Variants in AFF3 observed in about 807,000 individuals in gnomAD.
AFF3 encodes ALF transcription elongation factor 3.
Under a neutral mutation model 129.7 loss-of-function variants are expected in AFF3, and 32 were observed. That is an observed-to-expected ratio of 0.25 (90% CI 0.19 to 0.33). AFF3 has a LOEUF of 0.33. Ranked by LOEUF, AFF3 falls within the 10% of genes least tolerant of loss-of-function variation. The pLI, the probability that AFF3 is intolerant of heterozygous loss-of-function variation, is 1.00. For missense variants in AFF3, 1,373 were observed against 1,592.0 expected, an observed-to-expected ratio of 0.86 and a Z score of 2.34; for synonymous variants, 644 against 635.4, an observed-to-expected ratio of 1.01 and a Z score of -0.20.
chr2:99,776,318 CACAG>C (rs1423879300), intron 8 of AFF3, among the ~76,000 whole-genome samples: 15 of 152,172 alleles, frequency 9.9e-5, no homozygotes, highest in Non-Finnish European at 2.9e-5. Context: ...GTTTACCTAG[CACAG>C]ACAGATGGTT....
intron 8 of AFF3, among the ~76,000 whole-genome samples, chr2:99,818,226 T>C (rs1005259028): frequency 3.9e-5 from 6 of 152,178 alleles, no homozygotes; most frequent in South Asian, 2.1e-4. Flanking sequence ...ACTGGTATAA[T>C]GCAAATATTC....
At chr2:100,137,665 G>A (rs191085280) in intron 1 of AFF3, among the ~76,000 whole-genome samples, 2 of 152,328 alleles carry the variant, frequency 1.3e-5, no homozygotes, top group East Asian at 1.9e-4. Flanking sequence ...TGGCATGGAA[G>A]ATTTCAGAGC....
At chr2:100,004,041 A>G (rs1020904972) in intron 7 of AFF3, among the ~76,000 whole-genome samples, 1 of 151,492 alleles carries the variant, frequency 6.6e-6, no homozygotes, top group African/African-American at 2.4e-5. Flanking sequence ...TTTTCTTATG[A>G]GGAATGTACC....
chr2:99,830,622 G>C (rs1450148056), intron 8 of AFF3, among the ~76,000 whole-genome samples: 1 of 152,072 alleles, frequency 6.6e-6, no homozygotes, highest in Admixed American at 6.6e-5. Flanking sequence ...TGTGGTGGCG[G>C]GTGACTGTAA....
chr2:100,139,383 G>A (rs972206931), intron 1 of AFF3, among the ~76,000 whole-genome samples: 4 of 152,142 alleles, frequency 2.6e-5, no homozygotes, highest in African/African-American at 9.7e-5. Flanking sequence ...ATTGAATTAA[G>A]TGCCATATGA....
intron 8 of AFF3, among the ~76,000 whole-genome samples, chr2:99,787,407 C>T (rs1395931947): frequency 1.3e-5 from 2 of 152,142 alleles, no homozygotes; most frequent in South Asian, 2.1e-4. Context: ...ACACCTGCGC[C>T]GCCACCCCTG....
At chr2:99,986,310 C>A (rs1160751423) in intron 7 of AFF3, among the ~76,000 whole-genome samples, 2 of 151,508 alleles carry the variant, frequency 1.3e-5, no homozygotes, top group African/African-American at 4.8e-5. Flanking sequence ...TTACTCACCA[C>A]TTTTAGCCAC....
At chr2:99,836,225 T>C (rs912637460) in intron 8 of AFF3, among the ~76,000 whole-genome samples, 1 of 152,158 alleles carries the variant, frequency 6.6e-6, no homozygotes, top group Non-Finnish European at 1.5e-5. Context: ...ACATAAACAC[T>C]ATAACCAGTT....
At chr2:99,736,351 T>G (rs1288519790) in intron 10 of AFF3, among the ~76,000 whole-genome samples, 1 of 152,224 alleles carries the variant, frequency 6.6e-6, no homozygotes, top group African/African-American at 2.4e-5. Flanking sequence ...CCTTGGGTAG[T>G]GACCCTTTTT....
chr2:99,665,479 C>T (rs184459918), intron 12 of AFF3, among the ~76,000 whole-genome samples: 1 of 152,246 alleles, frequency 6.6e-6, no homozygotes, highest in African/African-American at 2.4e-5. Context: ...TCTGGCAGTG[C>T]TAGTTTTGGA....
At chr2:99,636,765 C>T (rs368143241) in intron 13 of AFF3, among the ~76,000 whole-genome samples, 1 of 152,242 alleles carries the variant, frequency 6.6e-6, no homozygotes, top group African/African-American at 2.4e-5. Context: ...GGGAGTTGGA[C>T]GGAGTCAGAA....
At chr2:99,617,035 C>A (rs1255128173) in intron 13 of AFF3, among the ~76,000 whole-genome samples, 1 of 152,084 alleles carries the variant, frequency 6.6e-6, no homozygotes, top group Non-Finnish European at 1.5e-5. Flanking sequence ...ATGAATATAC[C>A]ACATTTTGCT....
At chr2:99,882,964 A>G (rs956864930) in intron 7 of AFF3, among the ~76,000 whole-genome samples, 1 of 152,232 alleles carries the variant, frequency 6.6e-6, no homozygotes, top group Admixed American at 6.5e-5. Flanking sequence ...CGTTACTTCT[A>G]ACAAAGGAAA....
At chr2:100,053,713 G>T (rs868237970) in intron 4 of AFF3, among the ~76,000 whole-genome samples, 1 of 152,310 alleles carries the variant, frequency 6.6e-6, no homozygotes, top group South Asian at 2.1e-4. Context: ...ACTCCCCCAT[G>T]GAGCTTCAGA....
intron 7 of AFF3, among the ~76,000 whole-genome samples, chr2:99,945,728 T>C (rs574258002): frequency 2.0e-5 from 3 of 152,336 alleles, no homozygotes; most frequent in Admixed American, 2.0e-4. Context: ...AGTATTGTTA[T>C]AGATGGCTCA....
chr2:99,753,677 G>A (rs1476635784), intron 8 of AFF3, among the ~76,000 whole-genome samples: 1 of 152,122 alleles, frequency 6.6e-6, no homozygotes, highest in African/African-American at 2.4e-5. Context: ...GGGCGAGTGT[G>A]TTCAAAGCCA....
At chr2:99,750,980 G>A (rs1015842492) in intron 9 of AFF3, among the ~76,000 whole-genome samples, 8 of 152,152 alleles carry the variant, frequency 5.3e-5, no homozygotes, top group Admixed American at 2.0e-4. Context: ...CTTCAAATAC[G>A]TTTTATTGTA....
At chr2:99,844,258 TA>T (rs1413103766) in intron 7 of AFF3, among the ~76,000 whole-genome samples, 2 of 151,990 alleles carry the variant, frequency 1.3e-5, no homozygotes, top group African/African-American at 4.8e-5. Flanking sequence ...TCAAGTAACA[TA>T]AAATCTACCA....
intron 12 of AFF3, among the ~76,000 whole-genome samples, chr2:99,662,192 A>C (rs557919630): frequency 2.6e-4 from 39 of 152,308 alleles, no homozygotes; most frequent in Non-Finnish European, 5.3e-4. Flanking sequence ...TTAAACAAAC[A>C]AACCAACCCT....
Sources: allele counts gnomAD v4.1 joint callset (sites outside exome capture counted in the v4.1 genomes callset), GRCh38; gene constraint gnomAD v4.1.1; transcripts MANE v1.5; gene names NCBI Gene and HGNC (gene_info 2026-07-23, HGNC 2026-07-21).